The following GDI2 variants were observed in gnomAD, a reference collection of about 807,000 sequenced individuals.
The protein encoded by GDI2 is rab GDP dissociation inhibitor beta.
In GDI2, 22 loss-of-function variants were observed where a neutral mutation model predicts 54.2. The ratio of observed to expected loss-of-function variants is 0.41; its 90% CI spans 0.29 to 0.58. GDI2 has a LOEUF of 0.58. GDI2 is among the 20% of genes least tolerant of loss of function. The pLI is 0.35. For synonymous variants in GDI2, 177 were observed against 182.1 expected (o/e 0.97, Z 0.23); for missense variants, 422 against 546.0 (o/e 0.77, Z 2.26).
At chr10:5,807,818 A>T (rs886421122) in intron 1 of GDI2, among the ~76,000 whole-genome samples, 15 of 152,232 alleles carry the variant, frequency 9.9e-5, no homozygotes, top group African/African-American at 3.4e-4. Context: ...AGAATAACTC[A>T]TTTGGACAAC....
intron 1 of GDI2, among the ~76,000 whole-genome samples, chr10:5,803,119 C>T (rs530609696): frequency 6.6e-6 from 1 of 152,260 alleles, no homozygotes; most frequent in Middle Eastern, 3.4e-3. Context: ...TTAAGCCAGA[C>T]ATTAAAGGAT....
intron 1 of GDI2, among the ~76,000 whole-genome samples, chr10:5,802,271 C>A (rs576131903): frequency 9.2e-5 from 14 of 152,102 alleles, no homozygotes; most frequent in Admixed American, 4.6e-4. Context: ...CTGACACGTG[C>A]TGCCAATAAG....
At chr10:5,772,079 A>G (rs1840502075) in intron 7 of GDI2, among the ~76,000 whole-genome samples, 2 of 152,052 alleles carry the variant, frequency 1.3e-5, no homozygotes, top group Non-Finnish European at 2.9e-5. Flanking sequence ...CTGAGAAGAA[A>G]AAAAAAAACA....
chr10:5,801,267 G>C (rs1841264417), intron 1 of GDI2, among the ~76,000 whole-genome samples: 1 of 152,132 alleles, frequency 6.6e-6, no homozygotes, highest in Non-Finnish European at 1.5e-5. Flanking sequence ...CACCTTTTCA[G>C]TGTTGACACT....
At chr10:5,799,701 G>A (rs1026996425) in intron 2 of GDI2, among the ~76,000 whole-genome samples, 5 of 152,130 alleles carry the variant, frequency 3.3e-5, no homozygotes, top group African/African-American at 9.7e-5. Context: ...AATACAAACA[G>A]CTACGTAAGA....
At position 5,776,230 on chromosome 10, in the gene GDI2, T is replaced by C. The variant is rs1840616254; in HGVS notation, c.720-2289A>G. The C allele has an allele frequency of 2.2e-6, 1 of 444,686 alleles. No individual in the cohort carries two copies. Among genetic ancestry groups the C allele is most frequent in the Non-Finnish European group, 4.3e-6 (1 of 232,338 alleles). 27.5% of individuals were successfully genotyped at this position (444,686 alleles called of 1,614,324 possible). On this transcript the variant is annotated intron_variant, in intron 6 of 10. Transcript: ENST00000380191. This position sits in a 1 kb window ranked among gnomAD's most constrained non-coding sequence, Gnocchi z 5.3. ...ATTTTTCACTGGAATTGCAAAGGAA[T>C]AGGAAACAGCGCCTCCTCATCCAAG...
intron 4 of GDI2, among the ~76,000 whole-genome samples, chr10:5,790,893 C>A (rs1012630856): frequency 1.3e-5 from 2 of 152,180 alleles, no homozygotes; most frequent in African/African-American, 4.8e-5. Flanking sequence ...CAGTGGCTCA[C>A]GCCTGTAGTG....
intron 1 of GDI2, among the ~76,000 whole-genome samples, chr10:5,806,604 C>G (rs1047911073): frequency 6.6e-6 from 1 of 151,882 alleles, no homozygotes; most frequent in South Asian, 2.1e-4. Flanking sequence ...CTGTGGCCTG[C>G]CTTTTCACTT....
At position 5,773,822 on chromosome 10, in the gene GDI2, TCA is replaced by T; in HGVS notation, c.819+18_819+19del. Reference sequence around the variant, plus strand: ...CTTCACAAGAACATAGTAATTTTTTTCATTTTAAAAGCTACTTACTTCTCCTT... The same window carrying T: ...CTTCACAAGAACATAGTAATTTTTTTTTTTAAAAGCTACTTACTTCTCCTT... On this transcript the variant is annotated intron_variant, in intron 7 of 10. Coordinates refer to ENST00000380191, the MANE Select transcript of GDI2 (RefSeq NM_001494.4). 9.6e-7 allele frequency: 1 copy of T among 1,040,398 alleles called. No individual in the cohort carries two copies. Among genetic ancestry groups the T allele is most frequent in the Admixed American group, 1.9e-5 (1 of 51,416 alleles). 64.4% of individuals were successfully genotyped at this position (1,040,398 alleles called of 1,614,324 possible).
At chr10:5,806,904 C>T (rs1318509171) in intron 1 of GDI2, among the ~76,000 whole-genome samples, 1 of 152,152 alleles carries the variant, frequency 6.6e-6, no homozygotes, top group Non-Finnish European at 1.5e-5. Context: ...CTATATATAA[C>T]CTTTCACACT....
At chr10:5,784,108 G>T (rs1840820616) in intron 6 of GDI2, among the ~76,000 whole-genome samples, 1 of 152,146 alleles carries the variant, frequency 6.6e-6, no homozygotes, top group African/African-American at 2.4e-5. Flanking sequence ...CAAACTTATT[G>T]GAGGCTGCGT....
intron 1 of GDI2, among the ~76,000 whole-genome samples, chr10:5,812,411 T>C (rs1588993974): frequency 1.3e-5 from 2 of 152,184 alleles, no homozygotes; most frequent in Non-Finnish European, 2.9e-5. Flanking sequence ...TACAGAGAAC[T>C]TGGCTTTTAG....
intron 2 of GDI2, among the ~76,000 whole-genome samples, chr10:5,797,576 G>A (rs1317305976): frequency 2.7e-5 from 4 of 148,864 alleles, no homozygotes; most frequent in African/African-American, 9.9e-5. Flanking sequence ...AAATTAGCGG[G>A]GTGTGGTGTG....
In GDI2 at chr10:5,766,790, G is replaced by T; in HGVS notation, c.992-152C>A. Reference sequence around the variant, plus strand: ...TTAAGTTCTAAATGGTGACAGAGTTGGATGTAAAGTACACAGATATTTAAC... The same window carrying T: ...TTAAGTTCTAAATGGTGACAGAGTTTGATGTAAAGTACACAGATATTTAAC... On this transcript the variant is annotated intron_variant, in intron 8 of 10. Transcript: ENST00000380191. The surrounding 1 kb of genome is among the most constrained non-coding windows in gnomAD (Gnocchi z 5.8). 3.3e-6 allele frequency: 2 copies of T among 612,818 alleles called. No homozygotes were observed. The highest frequency in any genetic ancestry group is 2.1e-5 in the South Asian group (1 of 48,376). The allele number at this position is 612,818 out of a possible 1,614,324, so 38.0% of individuals were successfully genotyped here.
chr10:5,773,006 A>C (rs1840530663), intron 7 of GDI2, among the ~76,000 whole-genome samples: 1 of 152,162 alleles, frequency 6.6e-6, no homozygotes, highest in Non-Finnish European at 1.5e-5. Flanking sequence ...GGAATAAATG[A>C]GTTTGAAAAT....
intron 4 of GDI2, among the ~76,000 whole-genome samples, chr10:5,794,188 A>AAAAAAAAAATAT (rs1448053813): frequency 2.5e-5 from 1 of 40,340 alleles, no homozygotes; most frequent in Non-Finnish European, 4.2e-5. Flanking sequence ...AAAAAAAAAA[A>AAAAAAAAAATAT]ATATATATAT....
intron 1 of GDI2, among the ~76,000 whole-genome samples, chr10:5,809,654 T>TA (rs1293154060): frequency 6.6e-6 from 1 of 152,240 alleles, no homozygotes; most frequent in Non-Finnish European, 1.5e-5. Context: ...AAGCTACTTA[T>TA]AGACAGGTTC....
rs1564395924 is a variant in GDI2, at chr10:5,794,181, AAAAAAAAATATATATATATATATATATAT to A, written c.388+675_388+703del. Among the ~76,000 whole-genome samples the A allele has an allele frequency of 3.9e-5, 2 of 51,628 alleles. 1 individual carries two copies. The highest frequency in any genetic ancestry group is 7.3e-5 in the Non-Finnish European group (2 of 27,510). 33.9% of individuals were successfully genotyped at this position (51,628 alleles called of 152,430 possible). On this transcript the variant is annotated intron_variant, in intron 4 of 10. Coordinates refer to ENST00000380191, the MANE Select transcript of GDI2 (RefSeq NM_001494.4). ...GACTCTGTCTTTAAAAGAAAAAAAA[AAAAAAAAATATATATATATATATATATAT>A]ATATATATATATATATATATATAAA...
At position 5,765,800 on chromosome 10, in the gene GDI2, C is replaced by T. The variant is rs1448633565; in HGVS notation, c.*206G>A. The T allele has an allele frequency of 1.1e-5, 5 of 456,270 alleles. No homozygotes were observed. Among genetic ancestry groups the T allele is most frequent in the Admixed American group, 8.4e-5 (2 of 23,794 alleles). 28.3% of individuals were successfully genotyped at this position (456,270 alleles called of 1,614,324 possible). ...AAAAAGCCAGTTTGGTTAAATTGAA[C>T]AGAATGTGGTAACTGCCAATGCTGA... On this transcript the variant is annotated 3_prime_UTR_variant, in exon 11 of 11. Coordinates refer to ENST00000380191, the MANE Select transcript of GDI2 (RefSeq NM_001494.4).
Sources: allele counts gnomAD v4.1 joint callset (sites outside exome capture counted in the v4.1 genomes callset), GRCh38; gene constraint gnomAD v4.1.1; non-coding constraint Gnocchi (gnomAD v3.1); transcripts MANE v1.5; gene names NCBI Gene and HGNC (gene_info 2026-07-23, HGNC 2026-07-21).